Variants in MRPL43 observed in about 807,000 individuals in gnomAD.
MRPL43 encodes mitochondrial ribosomal protein L43.
In MRPL43, 9 loss-of-function variants were observed where a neutral mutation model predicts 12.7. The observed-to-expected ratio is 0.71, with a 90% CI of 0.43 to 1.24. The LOEUF (loss-of-function observed/expected upper bound fraction) is 1.24. MRPL43 is among the 50% of genes most tolerant of loss of function. The pLI, the probability that MRPL43 is intolerant of heterozygous loss-of-function variation, is 0.00. For missense variants in MRPL43, 211 were observed against 229.2 expected, an observed-to-expected ratio of 0.92 and a Z score of 0.51; for synonymous variants, 116 against 96.4, an observed-to-expected ratio of 1.20 and a Z score of -1.19.
downstream of MRPL43, chr10:100,979,105 G>C: frequency 6.2e-7 from 1 of 1,614,068 alleles, no homozygotes; most frequent in Non-Finnish European, 8.5e-7. Flanking sequence ...TCCCCAGGGA[G>C]ACCTGGGAGG....
downstream of MRPL43, chr10:100,977,910 AACC>A (rs1454861148): frequency 1.7e-6 from 1 of 602,708 alleles, no homozygotes; most frequent in Non-Finnish European, 3.0e-6. Flanking sequence ...CCTTTGTAAA[AACC>A]ATGCAGTTTT....
At chr10:100,979,723 G>C, downstream of MRPL43, 2 of 1,101,906 alleles carry the variant, frequency 1.8e-6, no homozygotes, top group Non-Finnish European at 2.7e-6. Flanking sequence ...CTGACTCACA[G>C]GAGAGGCCCT....
rs776550341 is a variant in MRPL43 at position 100,987,386 on chromosome 10, C to T, written c.58G>A (p.Gly20Ser). 3.1e-6 allele frequency: 5 copies of T among 1,612,616 alleles called. No individual in the cohort carries two copies. In the Admixed American group the frequency reaches 8.3e-5, roughly 27 times the overall value. ...CGCTGCAGCTGCTGCACATAGCGAC[C>T]CAGTCCGTTGTGGAGAACGCTGGCC... ...FLASVLHNGL[G>S]RYVQQLQRLS... The change falls in exon 1 of 3, where the codon GGT becomes AGT. Residue 20 changes from glycine (G) to serine (S), a missense_variant. Physicochemically the swap from Gly to Ser is moderately conservative, Grantham distance 56 (BLOSUM62 0). Coordinates refer to ENST00000318364, the MANE Select transcript of MRPL43 (RefSeq NM_032112.3).
At chr10:100,978,453 C>T, downstream of MRPL43, 5 of 1,594,006 alleles carry the variant, frequency 3.1e-6, no homozygotes, top group Non-Finnish European at 4.3e-6. Context: ...ATCTCTAGGA[C>T]CTGCCACCAT....
chr10:100,983,964 C>T, downstream of MRPL43: 1 of 1,605,338 alleles, frequency 6.2e-7, no homozygotes, highest in South Asian at 1.1e-5. Context: ...CTTGGTGGCA[C>T]TGCCCAGCCG....
chr10:100,980,051 G>C, downstream of MRPL43: 2 of 1,613,680 alleles, frequency 1.2e-6, no homozygotes, highest in Non-Finnish European at 1.7e-6. Context: ...AGGGTCAAAG[G>C]GTCTGGCCTT....
chr10:100,978,570 T>C (rs1589986519), downstream of MRPL43: 1 of 1,614,112 alleles, frequency 6.2e-7, no homozygotes, highest in African/African-American at 1.3e-5. Flanking sequence ...TCCGGAGCAT[T>C]CCTGACATCC....
chr10:100,984,301 C>T (rs908564430), downstream of MRPL43: 1 of 1,439,508 alleles, frequency 6.9e-7, no homozygotes, highest in African/African-American at 1.4e-5. Context: ...AAAGCCCCCT[C>T]CTCAGTCTCC....
chr10:100,979,184 A>G (rs141723515), downstream of MRPL43: 1 of 1,614,224 alleles, frequency 6.2e-7, no homozygotes. Context: ...ATTCCACTGT[A>G]TGAGACACTG....
downstream of MRPL43, chr10:100,980,757 G>A: frequency 6.2e-7 from 1 of 1,605,152 alleles, no homozygotes; most frequent in South Asian, 1.1e-5. Context: ...TGGGGAGGTT[G>A]GGCAGAGGCT....
chr10:100,984,506 C>G (rs1238599331), downstream of MRPL43: 1 of 1,535,716 alleles, frequency 6.5e-7, no homozygotes, highest in East Asian at 2.4e-5. Context: ...CTCTGCAGGT[C>G]CATATGGGCT....
In MRPL43 at chr10:100,986,712, C is replaced by A; in HGVS notation, c.*22G>T. On this transcript the variant is annotated 3_prime_UTR_variant, in exon 3 of 3. Transcript: ENST00000318364. ...CGGAGTAACAGTCCAAAGCCTGGGGCTGCAGTTGGTGGGGCAACTCTTCAC... is the reference window on the plus strand; with the variant it reads ...CGGAGTAACAGTCCAAAGCCTGGGGATGCAGTTGGTGGGGCAACTCTTCAC... 3 of 1,613,940 alleles carry A rather than the reference C, an allele frequency of 1.9e-6. No homozygotes were observed. The highest frequency in any genetic ancestry group is 2.5e-6 in the Non-Finnish European group (3 of 1,179,936).
chr10:100,980,205 C>T (rs1221818105), downstream of MRPL43: 1 of 1,614,130 alleles, frequency 6.2e-7, no homozygotes, highest in Non-Finnish European at 8.5e-7. Context: ...TAAAGTTGCA[C>T]CCACTGATGG....
chr10:100,979,736 G>A (rs549403789), downstream of MRPL43: 581 of 1,247,148 alleles, frequency 4.7e-4, 5 homozygotes, highest in South Asian at 7.2e-3. Flanking sequence ...GAGGCCCTGT[G>A]GGACTATAGC....
chr10:100,982,006 C>T (rs1389157638), downstream of MRPL43, among the ~76,000 whole-genome samples: 1 of 140,338 alleles, frequency 7.1e-6, no homozygotes, highest in Admixed American at 7.6e-5. Flanking sequence ...TGCAGTGAGC[C>T]AAGATCACAC....
chr10:100,984,980 T>C, downstream of MRPL43: 1 of 1,364,610 alleles, frequency 7.3e-7, no homozygotes, highest in Non-Finnish European at 9.7e-7. Context: ...TCCACTCACA[T>C]GCACCTCTGA....
chr10:100,981,056 T>C (rs1851046560), downstream of MRPL43: 1 of 1,599,080 alleles, frequency 6.3e-7, no homozygotes, highest in African/African-American at 1.3e-5. Flanking sequence ...GAAGGCCTGA[T>C]AGCTACTGGG....
At chr10:100,981,312 A>T (rs1851060854), downstream of MRPL43, 24 of 1,598,352 alleles carry the variant, frequency 1.5e-5, 1 homozygote, top group South Asian at 2.6e-4. Flanking sequence ...ATATGTTTGT[A>T]TCTGAGTGGC....
rs570996334 is a variant in MRPL43 at position 100,986,898 on chromosome 10, C to T, written c.316G>A (p.Asp106Asn). 3 of 1,612,478 alleles carry T rather than the reference C, an allele frequency of 1.9e-6. No individual in the cohort carries two copies. The highest frequency in any genetic ancestry group is 2.2e-5 in the East Asian group (1 of 44,866). The part of the protein sequence containing the change: ...EISTLVQKLA[D>N]QSGLDVIRIR... ...CGGATCACGTCCAAGCCCGACTGGT[C>T]GGCCAGCTTCTGCACCAGCGTCGAG... Residue 106 changes from aspartate (D) to asparagine (N), a missense_variant, in exon 3 of 3, where the codon GAC (aspartate) becomes AAC (asparagine). Physicochemically the swap from Asp to Asn is conservative, Grantham distance 23. Transcript: ENST00000318364.
Sources: allele counts gnomAD v4.1 joint callset (sites outside exome capture counted in the v4.1 genomes callset), GRCh38; gene constraint gnomAD v4.1.1; transcripts MANE v1.5; gene names NCBI Gene and HGNC (gene_info 2026-07-23, HGNC 2026-07-21).